ESCO1: variants seen among roughly 807,000 people sequenced by gnomAD.
ESCO1 encodes establishment of sister chromatid cohesion N-acetyltransferase 1.
ESCO1 carries 33 observed loss-of-function variants against 83.5 expected under a neutral mutation model. The ratio of observed to expected loss-of-function variants is 0.40; its 90% CI spans 0.30 to 0.53. ESCO1 has a LOEUF of 0.53. Among genes scored for constraint, ESCO1 ranks in the 20% least tolerant of loss-of-function variants. ESCO1 has a pLI of 0.63. For synonymous variants in ESCO1, 332 were observed against 324.3 expected (o/e 1.02, Z -0.25); for missense variants, 855 against 968.0 (o/e 0.88, Z 1.55).
chr18:21,530,147 T>C lies in ESCO1; in HGVS notation c.*196A>G. 2.5e-6 allele frequency: 1 copy of C among 406,992 alleles called. No homozygotes were observed. Among genetic ancestry groups the C allele is most frequent in the Non-Finnish European group, 4.4e-6 (1 of 229,672 alleles). The allele number at this position is 406,992 out of a possible 1,614,324, so 25.2% of individuals were successfully genotyped here. ...AATCATAAATTTCTGTAAAAGATAA[T>C]AAAATATCTTCTTTAAAAAACAAAA... On this transcript the variant is annotated 3_prime_UTR_variant, in exon 12 of 12. Coordinates refer to ENST00000269214, the MANE Select transcript of ESCO1 (RefSeq NM_052911.3).
rs755026053 is a variant in ESCO1 at position 21,540,644 on chromosome 18, AAG to A, written c.1954-637_1954-636del. 3 of 1,342,428 alleles carry A rather than the reference AAG, an allele frequency of 2.2e-6. No homozygotes were observed. In the South Asian group the frequency reaches 3.5e-5, roughly 16 times the overall value. The allele number at this position is 1,342,428 out of a possible 1,614,324, so 83.2% of individuals were successfully genotyped here. On this transcript the variant is annotated intron_variant, in intron 8 of 11. Transcript: ENST00000269214. The stretch of plus-strand genomic sequence containing the variant: ...ATCTGAAGTTAAACATACTCAAAAA[AAG>A]AGAGGTAATAAACTCTTCTTCAGAT...
intron 6 of ESCO1, among the ~76,000 whole-genome samples, chr18:21,565,423 A>G (rs897028047): frequency 6.6e-6 from 1 of 152,214 alleles, no homozygotes; most frequent in Admixed American, 6.5e-5. Flanking sequence ...CTCAAACACT[A>G]TTGAGACAGG....
intron 7 of ESCO1, among the ~76,000 whole-genome samples, chr18:21,561,939 C>T (rs188172001): frequency 1.6e-3 from 250 of 151,616 alleles, no homozygotes; most frequent in Middle Eastern, 0.01. Context: ...AGTGCAGTGG[C>T]GCCATCTTGG....
chr18:21,594,643 G>A (rs1375035003), intron 1 of ESCO1, among the ~76,000 whole-genome samples: 1 of 151,642 alleles, frequency 6.6e-6, no homozygotes, highest in Non-Finnish European at 1.5e-5. Flanking sequence ...GGCGGAGCTT[G>A]CAGTGAGCTG....
rs753564097 is a variant in ESCO1, at chr18:21,574,522, C to T, written c.322G>A (p.Val108Ile). 1.1e-5 allele frequency: 17 copies of T among 1,613,738 alleles called. No homozygotes were observed. The highest frequency in any genetic ancestry group is 1.4e-5 in the Non-Finnish European group (17 of 1,179,936). Residue 108 changes from valine (V) to isoleucine (I), a missense_variant, in exon 4 of 12, where the codon GTA becomes ATA. By Grantham distance (29) the Val-to-Ile change is conservative. This residue lies in a region of ESCO1 where 726 missense variants were observed against 699.5 expected (regional missense o/e 1.04). Coordinates refer to ENST00000269214, the MANE Select transcript of ESCO1 (RefSeq NM_052911.3). ...TCATTTGCTTTAGGGTTTTCATGTA[C>T]TAATTTTTTCTGAGATAATTTCTTT... ...TKKKLSQKKL[V>I]HENPKANEQL...
intron 9 of ESCO1, among the ~76,000 whole-genome samples, chr18:21,537,711 A>C (rs768068976): frequency 3.3e-5 from 5 of 152,212 alleles, no homozygotes; most frequent in Non-Finnish European, 5.9e-5. Context: ...TTGTTCCGAT[A>C]AACTAAAATG....
chr18:21,594,391 C>G (rs998502937), intron 1 of ESCO1, among the ~76,000 whole-genome samples: 2 of 152,186 alleles, frequency 1.3e-5, no homozygotes, highest in African/African-American at 2.4e-5. Context: ...GCTCTGTAAA[C>G]AGTCTTCTCT....
intron 4 of ESCO1, among the ~76,000 whole-genome samples, chr18:21,572,362 T>C (rs1245298747): frequency 6.6e-6 from 1 of 152,204 alleles, no homozygotes; most frequent in Non-Finnish European, 1.5e-5. Context: ...ATAATTTACT[T>C]TAGAAAGAAA....
At chr18:21,587,880 C>T (rs2038604313) in intron 1 of ESCO1, among the ~76,000 whole-genome samples, 1 of 151,946 alleles carries the variant, frequency 6.6e-6, no homozygotes, top group African/African-American at 2.4e-5. Flanking sequence ...CCAGCCTGGG[C>T]AACACAGCAA....
At position 21,532,543 on chromosome 18, in the gene ESCO1, T is replaced by C; in HGVS notation, c.2305A>G (p.Ile769Val). Reference protein sequence around the residue: ...STLPEPAICGISRIWVFSMMR... With the variant: ...STLPEPAICGVSRIWVFSMMR... The stretch of plus-strand genomic sequence containing the variant: ...ATGCTGAATACCCATATTCGACTGA[T>C]CCCGCAGATTGCAGGCTCTGGTAAT... The change falls in exon 11 of 12, where the codon ATC becomes GTC. Residue 769 changes from isoleucine (I) to valine (V), a missense_variant. Ile to Val is a conservative substitution (Grantham distance 29). This residue lies in a region of ESCO1 where 129 missense variants were observed against 268.5 expected (regional missense o/e 0.48). Transcript: ENST00000269214. 6.2e-7 allele frequency: 1 copy of C among 1,614,200 alleles called. No homozygotes were observed.
At chr18:21,535,318 G>A (rs1252299265) in intron 10 of ESCO1, among the ~76,000 whole-genome samples, 3 of 151,170 alleles carry the variant, frequency 2.0e-5, no homozygotes, top group South Asian at 2.1e-4. Context: ...GGGTTCAAGC[G>A]ATTCTCCTGC....
intron 8 of ESCO1, among the ~76,000 whole-genome samples, chr18:21,543,389 C>T (rs1598980464): frequency 6.6e-6 from 1 of 152,166 alleles, no homozygotes; most frequent in Non-Finnish European, 1.5e-5. Flanking sequence ...AACTCCCGAC[C>T]TCAGGTGATC....
chr18:21,586,821 G>C (rs1298389801), intron 1 of ESCO1, among the ~76,000 whole-genome samples: 1 of 152,116 alleles, frequency 6.6e-6, no homozygotes, highest in African/African-American at 2.4e-5. Context: ...GTAAGAGCAG[G>C]TATCTTCATC....
intron 8 of ESCO1, among the ~76,000 whole-genome samples, chr18:21,544,486 A>G (rs9957376): frequency 0.99 from 150,222 of 151,484 alleles, 74,500 homozygotes; most frequent in East Asian, 1. Flanking sequence ...AAAACTAGAC[A>G]AGCGTGGTGG....
intron 8 of ESCO1, among the ~76,000 whole-genome samples, chr18:21,554,306 A>G (rs1163758106): frequency 6.6e-6 from 1 of 152,250 alleles, no homozygotes. Context: ...TACCAAAAAG[A>G]GCTGAAAACA....
At chr18:21,534,735 C>A (rs2037811475) in intron 10 of ESCO1, among the ~76,000 whole-genome samples, 1 of 150,890 alleles carries the variant, frequency 6.6e-6, no homozygotes, top group African/African-American at 2.4e-5. Context: ...TCAAGCAATT[C>A]TCCTGCCTCA....
intron 6 of ESCO1, among the ~76,000 whole-genome samples, chr18:21,565,039 G>A (rs1365402436): frequency 6.6e-6 from 1 of 152,098 alleles, no homozygotes; most frequent in Admixed American, 6.6e-5. Context: ...TCACGCCACT[G>A]CACTCCAGCC....
intron 8 of ESCO1, among the ~76,000 whole-genome samples, chr18:21,558,239 G>C (rs184456892): frequency 6.6e-6 from 1 of 151,958 alleles, no homozygotes; most frequent in Non-Finnish European, 1.5e-5. Context: ...TCCCCAAATG[G>C]TGTCAGCCAA....
chr18:21,587,586 T>A, intron 1 of ESCO1, among the ~76,000 whole-genome samples: 1 of 152,202 alleles, frequency 6.6e-6, no homozygotes, highest in Non-Finnish European at 1.5e-5. Flanking sequence ...TTTTAGTAAT[T>A]TCTCTCATTC....
Sources: allele counts gnomAD v4.1 joint callset (sites outside exome capture counted in the v4.1 genomes callset), GRCh38; gene constraint gnomAD v4.1.1; regional missense constraint gnomAD v4.1.1; transcripts MANE v1.5; gene names NCBI Gene and HGNC (gene_info 2026-07-23, HGNC 2026-07-21).